Variants in LYN observed in about 807,000 individuals in gnomAD.
LYN encodes the protein LYN proto-oncogene, Src family tyrosine kinase.
Under a neutral mutation model 65.0 loss-of-function variants are expected in LYN, and 12 were observed. The ratio of observed to expected loss-of-function variants is 0.18; its 90% CI spans 0.12 to 0.30. The LOEUF is 0.30. Among genes scored for constraint, LYN ranks in the 10% least tolerant of loss-of-function variants. LYN has a pLI of 1.00. For missense variants in LYN, 380 were observed against 623.2 expected, an observed-to-expected ratio of 0.61 and a Z score of 4.16; for synonymous variants, 222 against 221.2, an observed-to-expected ratio of 1.00 and a Z score of -0.03.
intron 10 of LYN, among the ~76,000 whole-genome samples, chr8:55,989,437 A>G (rs1368809539): frequency 6.6e-6 from 1 of 152,184 alleles, no homozygotes; most frequent in Non-Finnish European, 1.5e-5. Flanking sequence ...CCCACTTCTC[A>G]GTGGGTGTGT....
intron 1 of LYN, among the ~76,000 whole-genome samples, chr8:55,893,414 A>C (rs540827824): frequency 8.5e-5 from 13 of 152,358 alleles, no homozygotes; most frequent in Admixed American, 7.2e-4. Flanking sequence ...TGAAAGTACT[A>C]ACTGGGTTTG....
intron 10 of LYN, among the ~76,000 whole-genome samples, chr8:55,986,883 AC>A (rs1168263976): frequency 6.6e-6 from 1 of 152,060 alleles, no homozygotes; most frequent in Non-Finnish European, 1.5e-5. Flanking sequence ...GTGCCACTAC[AC>A]CCGGCTAATT....
chr8:55,950,601 A>T, intron 5 of LYN, 44 bp downstream of exon 5: 1 of 1,571,314 alleles, frequency 6.4e-7, no homozygotes, highest in South Asian at 1.1e-5. Context: ...TATTTGCCAC[A>T]TTGGATTTCT....
Position 55,915,887 on chromosome 8 carries a change from AG to A in LYN, c.-5-25966del, listed in dbSNP as rs533092006. Among the ~76,000 whole-genome samples, 506 of 152,316 alleles carry A rather than the reference AG, an allele frequency of 3.3e-3. 3 individuals are homozygous for A. Among genetic ancestry groups the A allele is most frequent in the African/African-American group, 0.011 (467 of 41,580 alleles). On this transcript the variant is annotated intron_variant, in intron 1 of 12. Coordinates refer to ENST00000519728, the MANE Select transcript of LYN (RefSeq NM_002350.4). Reference sequence around the variant, plus strand: ...ACAAAGATGATGATTTCTGAAAAAAAGGAATGGATATTCAATAAGCCTGTAC... The same window carrying A: ...ACAAAGATGATGATTTCTGAAAAAAAGAATGGATATTCAATAAGCCTGTAC...
At chr8:55,924,856 T>A (rs1029046923) in intron 1 of LYN, among the ~76,000 whole-genome samples, 3 of 152,180 alleles carry the variant, frequency 2.0e-5, no homozygotes, top group African/African-American at 7.2e-5. Context: ...CCCTTTTGTT[T>A]GTTTTGAGAT....
chr8:55,944,357 T>A (rs73606886), intron 2 of LYN, among the ~76,000 whole-genome samples: 1,635 of 152,162 alleles, frequency 0.011, 25 homozygotes, highest in African/African-American at 0.037. Flanking sequence ...TAAGAGAAAT[T>A]AGAGTCACAA....
At chr8:55,984,772 T>G (rs1252296492) in intron 10 of LYN, among the ~76,000 whole-genome samples, 2 of 152,250 alleles carry the variant, frequency 1.3e-5, no homozygotes, top group African/African-American at 4.8e-5. Context: ...TCTTCTTGGC[T>G]TCACTCGGAA....
intron 12 of LYN, among the ~76,000 whole-genome samples, chr8:56,008,124 A>AAAAAAAAAAAAAAAT (rs1221275260): frequency 1.0e-4 from 9 of 86,726 alleles, no homozygotes; most frequent in African/African-American, 3.7e-4. Context: ...GCCTCAAAAA[A>AAAAAAAAAAAAAAAT]AAAATAAAAT....
intron 12 of LYN, among the ~76,000 whole-genome samples, chr8:56,003,356 C>T (rs992263830): frequency 4.6e-5 from 7 of 152,210 alleles, no homozygotes; most frequent in African/African-American, 9.6e-5. Flanking sequence ...CCACCTCACT[C>T]GACCTGTGTT....
chr8:55,895,396 A>C (rs1805066389), intron 1 of LYN, among the ~76,000 whole-genome samples: 1 of 152,152 alleles, frequency 6.6e-6, no homozygotes, highest in South Asian at 2.1e-4. Flanking sequence ...ATAGGTATGG[A>C]TTAGTAACAC....
intron 1 of LYN, among the ~76,000 whole-genome samples, chr8:55,896,682 G>A (rs759312061): frequency 3.3e-4 from 50 of 151,976 alleles, no homozygotes; most frequent in Non-Finnish European, 6.8e-4. Context: ...AAGAAACATA[G>A]AATAAAAACC....
chr8:55,999,510 C>A lies in LYN; in HGVS notation c.1297C>A (p.Leu433Ile). Reference sequence around the variant, plus strand: ...TGATGTGTGGTCCTTTGGAATCCTCCTATACGAAATTGTCACCTATGGGAA... The same window carrying A: ...TGATGTGTGGTCCTTTGGAATCCTCATATACGAAATTGTCACCTATGGGAA... ...KSDVWSFGIL[L>I]YEIVTYGKIP... The change falls in exon 12 of 13, where the codon CTA becomes ATA. Residue 433 changes from leucine to isoleucine, a missense_variant. Transcript: ENST00000519728. 2.5e-6 allele frequency: 4 copies of A among 1,613,574 alleles called. No homozygotes were observed. The highest frequency in any genetic ancestry group is 3.4e-6 in the Non-Finnish European group (4 of 1,179,498).
intron 12 of LYN, among the ~76,000 whole-genome samples, chr8:56,008,124 A>AAAAAAAAATAAAAAT (rs1221275260): frequency 6.7e-4 from 58 of 86,724 alleles, no homozygotes; most frequent in African/African-American, 1.1e-3. Flanking sequence ...GCCTCAAAAA[A>AAAAAAAAATAAAAAT]AAAATAAAAT....
At chr8:55,911,261 A>ATATATATATATATACGTGTGTGTATATG (rs1805625585) in intron 1 of LYN, among the ~76,000 whole-genome samples, 2 of 14,224 alleles carry the variant, frequency 1.4e-4, no homozygotes, top group African/African-American at 4.9e-4. Flanking sequence ...GTGTGTGTAT[A>ATATATATATATATACGTGTGTGTATATG]TATATATATA....
intron 8 of LYN, among the ~76,000 whole-genome samples, chr8:55,963,895 A>C (rs1807362830): frequency 6.6e-6 from 1 of 152,148 alleles, no homozygotes; most frequent in Non-Finnish European, 1.5e-5. Context: ...TGCTCATGTA[A>C]CTTAGGGTTA....
rs199958251 is a variant in LYN at position 55,946,497 on chromosome 8, T to C, written c.178+4T>C. 6.9e-5 allele frequency: 110 copies of C among 1,596,192 alleles called. No individual in the cohort carries two copies. Among genetic ancestry groups the C allele is most frequent in the Non-Finnish European group, 9.2e-5 (107 of 1,165,516 alleles). ...GGACAGAGGTTTCAAACTAAAGGTA[T>C]GTTTTCATAGCAACATAGTTAAAAT... On this transcript the variant is annotated splice_donor_region_variant and intron_variant, in intron 3 of 12. Coordinates refer to ENST00000519728, the MANE Select transcript of LYN (RefSeq NM_002350.4).
At chr8:55,916,352 G>A (rs1232223769) in intron 1 of LYN, among the ~76,000 whole-genome samples, 1 of 152,110 alleles carries the variant, frequency 6.6e-6, no homozygotes, top group Non-Finnish European at 1.5e-5. Flanking sequence ...CTGTTAAATG[G>A]CCCTGTTTTC....
At chr8:55,965,954 G>A (rs528972574) in intron 8 of LYN, among the ~76,000 whole-genome samples, 18 of 152,056 alleles carry the variant, frequency 1.2e-4, no homozygotes, top group Admixed American at 1.0e-3. Context: ...GTGGAACCAC[G>A]TCTCTACTAA....
chr8:55,883,625 G>A (rs1195336789), intron 1 of LYN, among the ~76,000 whole-genome samples: 1 of 152,226 alleles, frequency 6.6e-6, no homozygotes, highest in African/African-American at 2.4e-5. Context: ...CCTGTGCTGG[G>A]AGTGTCTCCC....
Sources: allele counts gnomAD v4.1 joint callset (sites outside exome capture counted in the v4.1 genomes callset), GRCh38; gene constraint gnomAD v4.1.1; transcripts MANE v1.5; gene names NCBI Gene and HGNC (gene_info 2026-07-23, HGNC 2026-07-21).